Variants in IKBKB-DT observed in about 807,000 individuals in gnomAD.
The protein encoded by IKBKB-DT is IKBKB antisense RNA.
chr8:42,235,770 G>C (rs1009710759), intron 3 of IKBKB-DT, among the ~76,000 whole-genome samples: 1 of 152,100 alleles, frequency 6.6e-6, no homozygotes, highest in Non-Finnish European at 1.5e-5. Flanking sequence ...CAATTAAACC[G>C]TCTTTACTGC....
chr8:42,267,155 C>T (rs962113848), intron 1 of IKBKB-DT, among the ~76,000 whole-genome samples: 8 of 151,942 alleles, frequency 5.3e-5, no homozygotes, highest in African/African-American at 1.9e-4. Context: ...CAGGCGCCCG[C>T]CACCATGCCT....
chr8:42,261,346 A>G (rs1200689741), intron 3 of IKBKB-DT, among the ~76,000 whole-genome samples: 1 of 152,020 alleles, frequency 6.6e-6, no homozygotes, highest in Admixed American at 6.6e-5. Context: ...CAAGAAATAT[A>G]TTTCTTTTGA....
At chr8:42,268,611 C>T (rs1219873292) in intron 1 of IKBKB-DT, among the ~76,000 whole-genome samples, 6 of 149,504 alleles carry the variant, frequency 4.0e-5, no homozygotes, top group Admixed American at 3.4e-4. Flanking sequence ...CTGTCGCCCA[C>T]GTTGTAGTGC....
chr8:42,252,980 T>C (rs533704542), intron 3 of IKBKB-DT, among the ~76,000 whole-genome samples: 147 of 152,334 alleles, frequency 9.6e-4, no homozygotes, highest in Non-Finnish European at 1.7e-3. Context: ...CTGTCCTTTG[T>C]GGGGGAAAAT....
chr8:42,237,671 C>G (rs1806942299), intron 3 of IKBKB-DT, among the ~76,000 whole-genome samples: 1 of 152,018 alleles, frequency 6.6e-6, no homozygotes, highest in Admixed American at 6.6e-5. Context: ...CTCTCCCTCC[C>G]CAGGCTACAA....
exon 1 of IKBKB-DT, chr8:42,271,150 C>T: frequency 1.8e-6 from 1 of 562,430 alleles, no homozygotes. Flanking sequence ...GTCTACTTTC[C>T]CTCAGTTGTC....
chr8:42,251,620 A>G (rs1807129339), intron 3 of IKBKB-DT, among the ~76,000 whole-genome samples: 2 of 152,152 alleles, frequency 1.3e-5, no homozygotes, highest in African/African-American at 4.8e-5. Context: ...TTATTCTTTA[A>G]CAAGAAGGAA....
intron 3 of IKBKB-DT, among the ~76,000 whole-genome samples, chr8:42,258,972 C>T (rs571869504): frequency 6.6e-6 from 1 of 152,180 alleles, no homozygotes; most frequent in East Asian, 1.9e-4. Context: ...TATGAATATA[C>T]CATTTTATAA....
At chr8:42,248,398 C>A (rs1488584146) in intron 3 of IKBKB-DT, among the ~76,000 whole-genome samples, 1 of 151,944 alleles carries the variant, frequency 6.6e-6, no homozygotes, top group Admixed American at 6.6e-5. Flanking sequence ...GTTGTTCTGG[C>A]CATTTTTGCC....
chr8:42,259,398 T>G (rs1807251255), intron 3 of IKBKB-DT, among the ~76,000 whole-genome samples: 2 of 152,224 alleles, frequency 1.3e-5, no homozygotes, highest in Admixed American at 6.5e-5. Context: ...TCTTGTACTA[T>G]GAAGCCAAGA....
intron 3 of IKBKB-DT, among the ~76,000 whole-genome samples, chr8:42,239,439 C>A (rs1278941917): frequency 6.6e-6 from 1 of 151,494 alleles, no homozygotes; most frequent in Admixed American, 6.6e-5. Flanking sequence ...CCCACCAGCT[C>A]AGCCTAATTT....
At chr8:42,253,045 T>C (rs1434571293) in intron 3 of IKBKB-DT, among the ~76,000 whole-genome samples, 2 of 152,230 alleles carry the variant, frequency 1.3e-5, no homozygotes, top group African/African-American at 4.8e-5. Flanking sequence ...TTCCAGGCCC[T>C]TCCAATCCTG....
chr8:42,254,736 C>T (rs992432979), intron 3 of IKBKB-DT, among the ~76,000 whole-genome samples: 22 of 149,962 alleles, frequency 1.5e-4, no homozygotes, highest in African/African-American at 3.2e-4. Context: ...AGCTTCCCAC[C>T]GTCTGGGAAG....
chr8:42,252,026 GA>G (rs1807134658), intron 3 of IKBKB-DT, among the ~76,000 whole-genome samples: 2 of 152,164 alleles, frequency 1.3e-5, no homozygotes, highest in Non-Finnish European at 2.9e-5. Context: ...TTGCATAAGT[GA>G]ATGCTGGCTG....
At chr8:42,244,376 C>A (rs192380191) in intron 3 of IKBKB-DT, among the ~76,000 whole-genome samples, 2 of 152,162 alleles carry the variant, frequency 1.3e-5, no homozygotes, top group African/African-American at 2.4e-5. Flanking sequence ...GCTTCCCGGG[C>A]AGTTCCAGCA....
At chr8:42,243,199 G>C (rs142339236) in intron 3 of IKBKB-DT, among the ~76,000 whole-genome samples, 80 of 152,308 alleles carry the variant, frequency 5.3e-4, no homozygotes, top group African/African-American at 1.8e-3. Context: ...CTCTCCAGGT[G>C]GGGAGAGAGT....
intron 3 of IKBKB-DT, among the ~76,000 whole-genome samples, chr8:42,240,220 G>T: frequency 7.4e-6 from 1 of 134,932 alleles, no homozygotes. Context: ...TTAGCCAAAT[G>T]CTGTTTTTTT....
chr8:42,244,975 C>T (rs1229717519), intron 3 of IKBKB-DT, among the ~76,000 whole-genome samples: 5 of 151,986 alleles, frequency 3.3e-5, no homozygotes, highest in Admixed American at 2.6e-4. Context: ...TTGGGCCGGG[C>T]GTGGTGGTTT....
At chr8:42,234,984 T>A (rs556584579) in intron 3 of IKBKB-DT, among the ~76,000 whole-genome samples, 1 of 152,112 alleles carries the variant, frequency 6.6e-6, no homozygotes. Flanking sequence ...GTTATAAAAC[T>A]AATGAAAGGC....
Sources: gnomAD v4.1 joint callset for allele counts (sites outside exome capture counted in the v4.1 genomes callset) on GRCh38, gnomAD v4.1.1 for gene constraint, MANE v1.5 for transcripts, NCBI Gene and HGNC (gene_info 2026-07-23, HGNC 2026-07-21) for gene names.